Variants in GGPS1 observed in about 807,000 individuals in gnomAD.
GGPS1 encodes geranylgeranyl diphosphate synthase 1, also known as geranylgeranyl pyrophosphate synthase.
A neutral mutation model predicts 28.1 loss-of-function variants in GGPS1; 15 were observed. The observed-to-expected ratio is 0.53, with a 90% CI of 0.36 to 0.82. The LOEUF (loss-of-function observed/expected upper bound fraction) is 0.82, where lower values mean the gene tolerates loss of function less well. Ranked by LOEUF, GGPS1 falls within the 40% of genes least tolerant of loss-of-function variation. The pLI, the probability that GGPS1 is intolerant of heterozygous loss-of-function variation, is 0.01. For missense variants in GGPS1, 284 were observed against 348.3 expected, an observed-to-expected ratio of 0.82 and a Z score of 1.47; for synonymous variants, 138 against 122.4, an observed-to-expected ratio of 1.13 and a Z score of -0.84.
At chr1:235,330,366 T>G (rs1675673118) in intron 1 of GGPS1, 6 of 152,254 alleles carry the variant, frequency 3.9e-5, no homozygotes. Flanking sequence ...GCGCCTGTAG[T>G]CCCAGCTACT....
At chr1:235,331,839 C>A (rs945135274) in intron 1 of GGPS1, among the ~76,000 whole-genome samples, 16 of 152,170 alleles carry the variant, frequency 1.1e-4, no homozygotes, top group Non-Finnish European at 8.8e-5. Context: ...ATTCTTTTCT[C>A]CTGTTGCCAT....
At chr1:235,332,007 T>C (rs556543344) in intron 1 of GGPS1, among the ~76,000 whole-genome samples, 4 of 152,244 alleles carry the variant, frequency 2.6e-5, no homozygotes, top group African/African-American at 9.6e-5. Context: ...ACACTCGTAA[T>C]TGTGCTGGAA....
At chr1:235,341,887 A>G in intron 3 of GGPS1, 109 bp downstream of exon 3, 1 of 873,568 alleles carries the variant, frequency 1.1e-6, no homozygotes, top group Non-Finnish European at 1.8e-6. Context: ...ATTATTTTAT[A>G]TTGAGGTTGC....
At chr1:235,327,849 G>T (rs936781459), upstream of GGPS1, 2 of 152,662 alleles carry the variant, frequency 1.3e-5, no homozygotes, top group Non-Finnish European at 2.9e-5. Context: ...CAGGCCCGGG[G>T]GAGAGATGGG....
chr1:235,338,600 A>G (rs1005335525), intron 2 of GGPS1, among the ~76,000 whole-genome samples: 3 of 152,168 alleles, frequency 2.0e-5, no homozygotes, highest in African/African-American at 7.2e-5. Context: ...GGCCAAGTGC[A>G]GTGGCTGACT....
upstream of GGPS1, chr1:235,328,060 T>C: frequency 6.5e-6 from 1 of 152,938 alleles, no homozygotes; most frequent in Non-Finnish European, 1.5e-5. Context: ...ATGGACCCTC[T>C]GCAGCTCCCT....
At chr1:235,327,999 G>C (rs1357049089), upstream of GGPS1, 1 of 152,446 alleles carries the variant, frequency 6.6e-6, no homozygotes, top group Non-Finnish European at 1.5e-5. Flanking sequence ...AATCCCCCCC[G>C]GACTGGAGGT....
At chr1:235,335,811 C>G (rs559858453) in intron 2 of GGPS1, among the ~76,000 whole-genome samples, 1 of 152,270 alleles carries the variant, frequency 6.6e-6, no homozygotes, top group Non-Finnish European at 1.5e-5. Flanking sequence ...TTCAGATTCC[C>G]CACTGTTTAG....
chr1:235,342,332 C>T lies in GGPS1; in HGVS notation c.463C>T (p.Leu155=). 1.2e-6 allele frequency: 2 copies of T among 1,613,708 alleles called. No individual in the cohort carries two copies. Among genetic ancestry groups the T allele is most frequent in the Non-Finnish European group, 8.5e-7 (1 of 1,179,580 alleles). ...TATGGTGCTGCAGAAAACAGGTGGA[C>T]TGTTTGGATTAGCAGTAGGTCTCAT... The part of the protein sequence containing the change: ...KAMVLQKTGG[L]FGLAVGLMQL... Residue 155 remains leucine, a synonymous_variant, in exon 4 of 4, where the codon CTG becomes TTG. Transcript: ENST00000282841.
At chr1:235,331,200 AGATG>A in intron 1 of GGPS1, among the ~76,000 whole-genome samples, 2 of 152,352 alleles carry the variant, frequency 1.3e-5, no homozygotes, top group South Asian at 4.1e-4. Context: ...TTGTTAGTCA[AGATG>A]GATGTAGAAA....
Position 235,343,212 on chromosome 1 carries a change from A to T in GGPS1, c.*440A>T, listed in dbSNP as rs1235256074. The T allele has an allele frequency of 6.0e-6, 1 of 167,932 alleles. No homozygotes were observed. Among genetic ancestry groups the T allele is most frequent in the East Asian group, 1.9e-4 (1 of 5,228 alleles). 10.4% of individuals were successfully genotyped at this position (167,932 alleles called of 1,614,324 possible). The stretch of plus-strand genomic sequence containing the variant: ...TTTTTCCTAAACGCTGCTGTAAGGA[A>T]TATCTCACTTTTCCCCCCGGAAACA... On this transcript the variant is annotated 3_prime_UTR_variant, in exon 4 of 4. Coordinates refer to ENST00000282841, the MANE Select transcript of GGPS1 (RefSeq NM_004837.4).
chr1:235,335,058 G>A (rs902744844), intron 1 of GGPS1, among the ~76,000 whole-genome samples, 184 bp from the exon 2 acceptor site: 2 of 151,988 alleles, frequency 1.3e-5, no homozygotes, highest in African/African-American at 4.8e-5. Flanking sequence ...TAAGCTATCC[G>A]CCCGCCTCAG....
Position 235,341,768 on chromosome 1 carries a change from A to G in GGPS1, c.131A>G (p.Asp44Gly), listed in dbSNP as rs1273365040. ...AFNHWLKVPE[D>G]KLQIIIEVTE... Reference sequence around the variant, plus strand: ...AATCATTGGCTGAAAGTTCCAGAGGACAAGCTACAGGTATTAGGCAACTCT... The same window carrying G: ...AATCATTGGCTGAAAGTTCCAGAGGGCAAGCTACAGGTATTAGGCAACTCT... Residue 44 changes from aspartate to glycine, a missense_variant, in exon 3 of 4, where the codon GAC (aspartate) becomes GGC (glycine). By Grantham distance (94) the Asp-to-Gly change is moderately conservative. Coordinates refer to ENST00000282841, the MANE Select transcript of GGPS1 (RefSeq NM_004837.4). The G allele has an allele frequency of 6.3e-7, 1 of 1,590,280 alleles. No homozygotes were observed. The highest frequency in any genetic ancestry group is 1.1e-5 in the South Asian group (1 of 90,552).
chr1:235,335,816 G>A (rs1558325591), intron 2 of GGPS1, among the ~76,000 whole-genome samples: 1 of 152,198 alleles, frequency 6.6e-6, no homozygotes, highest in East Asian at 1.9e-4. Flanking sequence ...ATTCCCCACT[G>A]TTTAGATATT....
chr1:235,330,437 A>T lies in GGPS1; in HGVS notation c.-24+1659A>T, dbSNP rs551084089. 1.1e-3 allele frequency: 170 copies of T among 152,290 alleles called. 1 individual carries two copies. The highest frequency in any genetic ancestry group is 4.0e-3 in the African/African-American group (168 of 41,542). 9.4% of individuals were successfully genotyped at this position (152,290 alleles called of 1,614,324 possible). A position where few individuals can be genotyped will look rare whatever the true frequency, so the allele number is the denominator to read the frequency against. The stretch of plus-strand genomic sequence containing the variant: ...GAGGCGGAGTTTGCAGTGAGACGAG[A>T]TCACGCCACTGCACTCCAGCCTGGG... On this transcript the variant is annotated intron_variant, in intron 1 of 3. Transcript: ENST00000282841.
At chr1:235,327,814 C>T (rs1443619357), upstream of GGPS1, 2 of 152,836 alleles carry the variant, frequency 1.3e-5, no homozygotes, top group Non-Finnish European at 2.9e-5. Context: ...AGAGTCCCCT[C>T]TCTCCTTCTC....
chr1:235,334,623 T>C (rs1367700569), intron 1 of GGPS1, among the ~76,000 whole-genome samples: 3 of 152,252 alleles, frequency 2.0e-5, no homozygotes, highest in Admixed American at 6.5e-5. Context: ...ATCTACTTTC[T>C]TTCTCTGTAG....
chr1:235,338,404 C>T (rs963383488), intron 2 of GGPS1, among the ~76,000 whole-genome samples: 5 of 151,146 alleles, frequency 3.3e-5, no homozygotes, highest in African/African-American at 1.2e-4. Flanking sequence ...GGGGGGGAAA[C>T]TTAAAAGCAT....
intron 2 of GGPS1, among the ~76,000 whole-genome samples, chr1:235,336,104 G>A (rs1379667835): frequency 6.6e-6 from 1 of 152,200 alleles, no homozygotes; most frequent in Non-Finnish European, 1.5e-5. Context: ...TTAAAAACTT[G>A]TCTGGAGGCT....
Sources: gnomAD v4.1 joint callset for allele counts (sites outside exome capture counted in the v4.1 genomes callset) on GRCh38, gnomAD v4.1.1 for gene constraint, MANE v1.5 for transcripts, NCBI Gene and HGNC (gene_info 2026-07-23, HGNC 2026-07-21) for gene names.